Variants in DNM2 observed in about 807,000 individuals in gnomAD.
DNM2 encodes dynamin 2.
Under a neutral mutation model 99.0 loss-of-function variants are expected in DNM2, and 15 were observed. The observed-to-expected ratio is 0.15, with a 90% CI of 0.10 to 0.23. DNM2 has a LOEUF of 0.23. DNM2 is among the 10% of genes least tolerant of loss of function. DNM2 has a pLI of 1.00. For missense variants in DNM2, 742 were observed against 1,189.4 expected, an observed-to-expected ratio of 0.62 and a Z score of 5.53; for synonymous variants, 525 against 481.2, an observed-to-expected ratio of 1.09 and a Z score of -1.19.
chr19:10,733,215 A>G (rs891916379), intron 1 of DNM2, among the ~76,000 whole-genome samples: 12 of 131,048 alleles, frequency 9.2e-5, no homozygotes, highest in African/African-American at 3.2e-4. Context: ...TTTTGGAGAC[A>G]GGGTCCCACT....
intron 1 of DNM2, among the ~76,000 whole-genome samples, chr19:10,734,367 G>A (rs575366014): frequency 6.6e-6 from 1 of 150,480 alleles, no homozygotes; most frequent in Non-Finnish European, 1.5e-5. Context: ...AAGGAAGGGA[G>A]GCCAGGTACA....
At chr19:10,784,915 C>G (rs966421929) in intron 6 of DNM2, among the ~76,000 whole-genome samples, 1 of 147,718 alleles carries the variant, frequency 6.8e-6, no homozygotes, top group Non-Finnish European at 1.5e-5. Context: ...CCTCCACCTC[C>G]CAGGTTCAAG....
At chr19:10,749,221 C>T (rs889893125) in intron 1 of DNM2, among the ~76,000 whole-genome samples, 3 of 152,308 alleles carry the variant, frequency 2.0e-5, no homozygotes, top group Non-Finnish European at 4.4e-5. Context: ...GAGCCTGCAT[C>T]GTTCCTGCAC....
chr19:10,790,268 G>A (rs1223529200), intron 7 of DNM2, among the ~76,000 whole-genome samples: 2 of 150,808 alleles, frequency 1.3e-5, no homozygotes, highest in Admixed American at 6.7e-5. Flanking sequence ...ATGTATCCCA[G>A]TGCCCATGGG....
intron 1 of DNM2, among the ~76,000 whole-genome samples, chr19:10,744,319 A>G (rs2069880417): frequency 6.6e-6 from 1 of 152,120 alleles, no homozygotes; most frequent in Non-Finnish European, 1.5e-5. Context: ...GGGTCTGGAT[A>G]TCCAAGGCAG....
chr19:10,731,670 C>T lies in DNM2; in HGVS notation c.161+13267C>T, dbSNP rs1289440662. On this transcript the variant is annotated intron_variant, in intron 1 of 20. Coordinates refer to ENST00000389253, the MANE Select transcript of DNM2 (RefSeq NM_001005361.3). Reference sequence around the variant, plus strand: ...TGCCCGGCCCCCAGGTTGTTCTTTTCTACATCAACATCAGGGGACAGTGAC... The same window carrying T: ...TGCCCGGCCCCCAGGTTGTTCTTTTTTACATCAACATCAGGGGACAGTGAC... Among the ~76,000 whole-genome samples the T allele has an allele frequency of 2.0e-5, 3 of 152,138 alleles. No homozygotes were observed. The East Asian group carries it at 5.8e-4, about 29-fold the overall frequency.
chr19:10,795,855 AG>A lies in DNM2; in HGVS notation c.1196+417del. ...GTCCCCTCCTTATTCTAACAAAGGTAGTTGCTCCAGGTGTCTGCCCTTCCAT... is the reference window on the plus strand; with the variant it reads ...GTCCCCTCCTTATTCTAACAAAGGTATTGCTCCAGGTGTCTGCCCTTCCAT... On this transcript the variant is annotated intron_variant, in intron 9 of 20. Transcript: ENST00000389253. The surrounding 1 kb of genome is among the most constrained non-coding windows in gnomAD (Gnocchi z 4.2). 1.4e-6 allele frequency: 1 copy of A among 721,108 alleles called. No individual in the cohort carries two copies. The highest frequency in any genetic ancestry group is 2.4e-6 in the Non-Finnish European group (1 of 421,126). The allele number at this position is 721,108 out of a possible 1,614,324, so 44.7% of individuals were successfully genotyped here. A position where few individuals can be genotyped will look rare whatever the true frequency, so the allele number is the denominator to read the frequency against.
chr19:10,725,164 A>G (rs1273364253), intron 1 of DNM2, among the ~76,000 whole-genome samples: 1 of 152,150 alleles, frequency 6.6e-6, no homozygotes, highest in East Asian at 1.9e-4. Flanking sequence ...AAGGCCATAC[A>G]TGGCCGGGCA....
At chr19:10,805,845 A>G in intron 12 of DNM2, 71 bp from the exon 13 acceptor site, 1 of 1,603,988 alleles carries the variant, frequency 6.2e-7, no homozygotes, top group South Asian at 1.1e-5. Context: ...GAGAACGGCC[A>G]CATTCGCCTC....
At chr19:10,774,712 A>G (rs1599527607) in intron 3 of DNM2, among the ~76,000 whole-genome samples, 2 of 146,958 alleles carry the variant, frequency 1.4e-5, no homozygotes, top group South Asian at 2.1e-4. Context: ...GGTGTGAGCC[A>G]CTGCGTTGGC....
At chr19:10,829,547 G>A (rs1412825526) in intron 19 of DNM2, among the ~76,000 whole-genome samples, 1 of 152,202 alleles carries the variant, frequency 6.6e-6, no homozygotes, top group Non-Finnish European at 1.5e-5. Context: ...GGAAGCTGGG[G>A]TAAGAGGCTG....
intron 13 of DNM2, among the ~76,000 whole-genome samples, chr19:10,806,783 A>G (rs2072350726): frequency 3.3e-5 from 5 of 152,056 alleles, no homozygotes; most frequent in Admixed American, 2.0e-4. Context: ...ACAGGGCCAG[A>G]CTCTGTCTCC....
chr19:10,806,756 G>A (rs1599591385), intron 13 of DNM2, among the ~76,000 whole-genome samples: 3 of 152,182 alleles, frequency 2.0e-5, no homozygotes, highest in East Asian at 3.9e-4. Flanking sequence ...TTGCGCCACC[G>A]CACTCCAGTG....
At chr19:10,821,988 T>G (rs920769589) in intron 16 of DNM2, among the ~76,000 whole-genome samples, 2 of 152,188 alleles carry the variant, frequency 1.3e-5, no homozygotes, top group Admixed American at 1.3e-4. Context: ...AGCCACTTGC[T>G]GACCACAAAC....
At chr19:10,727,435 A>G (rs1452108624) in intron 1 of DNM2, among the ~76,000 whole-genome samples, 1 of 151,786 alleles carries the variant, frequency 6.6e-6, no homozygotes, top group Non-Finnish European at 1.5e-5. Flanking sequence ...GCGTGATCAC[A>G]GCTCACAGCA....
At chr19:10,787,832 G>A (rs1250181083) in intron 7 of DNM2, among the ~76,000 whole-genome samples, 1 of 152,048 alleles carries the variant, frequency 6.6e-6, no homozygotes, top group Non-Finnish European at 1.5e-5. Context: ...GGGAGACTGA[G>A]GCAAGAGAAT....
intron 3 of DNM2, among the ~76,000 whole-genome samples, chr19:10,774,727 G>C (rs990059100): frequency 8.4e-6 from 1 of 118,656 alleles, no homozygotes; most frequent in African/African-American, 2.8e-5. Context: ...GTTGGCCTAT[G>C]CTTTTTTTTT....
At chr19:10,803,033 C>T (rs1029554655) in intron 12 of DNM2, among the ~76,000 whole-genome samples, 2 of 152,168 alleles carry the variant, frequency 1.3e-5, no homozygotes. Context: ...TCTCGCTGGG[C>T]CCTGTGATAG....
At chr19:10,770,412 T>C (rs2070936483) in intron 2 of DNM2, among the ~76,000 whole-genome samples, 2 of 152,174 alleles carry the variant, frequency 1.3e-5, no homozygotes, top group African/African-American at 4.8e-5. Context: ...CTTTCTTTCT[T>C]TGTTTTTCTT....
Sources: gnomAD v4.1 joint callset for allele counts (sites outside exome capture counted in the v4.1 genomes callset) on GRCh38, gnomAD v4.1.1 for gene constraint, Gnocchi (gnomAD v3.1) non-coding constraint, MANE v1.5 for transcripts, NCBI Gene and HGNC (gene_info 2026-07-23, HGNC 2026-07-21) for gene names.